The following TNFRSF13C variants were observed in gnomAD, a reference collection of about 807,000 sequenced individuals.
The protein encoded by TNFRSF13C is tumor necrosis factor receptor superfamily member 13C.
In TNFRSF13C, 7 loss-of-function variants were observed where a neutral mutation model predicts 12.1. The observed-to-expected ratio is 0.58, with a 90% CI of 0.33 to 1.08. TNFRSF13C has a LOEUF of 1.08. TNFRSF13C is among the 50% of genes least tolerant of loss of function. The probability of loss-of-function intolerance (pLI) is 0.04; values close to 1 mark genes in which losing one functional copy is unlikely to be tolerated. For synonymous variants in TNFRSF13C, 157 were observed against 130.8 expected, an observed-to-expected ratio of 1.20 and a Z score of -1.37; for missense variants, 260 against 265.9, an observed-to-expected ratio of 0.98 and a Z score of 0.15.
Position 41,924,949 on chromosome 22 carries a change from C to CA in TNFRSF13C, c.*417dup, listed in dbSNP as rs750334567. ...CCTGGCGACAGAGCAAGACTCGTCTCAAAAAAAAAAAAAAAAAAAAAAAAA... is the reference window on the plus strand; with the variant it reads ...CCTGGCGACAGAGCAAGACTCGTCTCAAAAAAAAAAAAAAAAAAAAAAAAAA... On this transcript the variant is annotated 3_prime_UTR_variant, in exon 3 of 3. Coordinates refer to ENST00000291232, the MANE Select transcript of TNFRSF13C (RefSeq NM_052945.4). 910 of 45,246 alleles carry CA rather than the reference C, an allele frequency of 0.02. 50 individuals carry two copies. Among genetic ancestry groups the CA allele is most frequent in the East Asian group, 0.067 (63 of 934 alleles). 2.8% of individuals were successfully genotyped at this position (45,246 alleles called of 1,614,324 possible).
At position 41,925,025 on chromosome 22, in the gene TNFRSF13C, C is replaced by G. The variant is rs1160077338; in HGVS notation, c.*342G>C. The stretch of plus-strand genomic sequence containing the variant: ...ACCCAACTACAAATTAGGCATCCTC[C>G]CACTTGGTCTTTTTTCAGATTCATT... On this transcript the variant is annotated 3_prime_UTR_variant, in exon 3 of 3. Coordinates refer to ENST00000291232, the MANE Select transcript of TNFRSF13C (RefSeq NM_052945.4). 5.0e-6 allele frequency: 1 copy of G among 200,966 alleles called. No homozygotes were observed. The highest frequency in any genetic ancestry group is 5.8e-5 in the Admixed American group (1 of 17,102). The allele number at this position is 200,966 out of a possible 1,614,324, so 12.4% of individuals were successfully genotyped here.
rs2077611626 is a variant in TNFRSF13C, at chr22:41,922,715, G to A, written c.*2652C>T. On this transcript the variant is annotated 3_prime_UTR_variant, in exon 3 of 3. Coordinates refer to ENST00000291232, the MANE Select transcript of TNFRSF13C (RefSeq NM_052945.4). Reference sequence around the variant, plus strand: ...GGAGAAGATGGGGTGGCCAGGAGAAGATGGGGTGGGAGATGGGGTGGCCAG... The same window carrying A: ...GGAGAAGATGGGGTGGCCAGGAGAAAATGGGGTGGGAGATGGGGTGGCCAG... 1 of 141,162 alleles carries A rather than the reference G, an allele frequency of 7.1e-6. No individual in the cohort carries two copies. Among genetic ancestry groups the A allele is most frequent in the Non-Finnish European group, 1.5e-5 (1 of 64,892 alleles). 8.7% of individuals were successfully genotyped at this position (141,162 alleles called of 1,614,324 possible).
chr22:41,926,802 G>A lies in TNFRSF13C; in HGVS notation c.-29C>T. 1.5e-6 allele frequency: 2 copies of A among 1,304,336 alleles called. No individual in the cohort carries two copies. Among genetic ancestry groups the A allele is most frequent in the African/African-American group, 1.5e-5 (1 of 64,896 alleles). 80.8% of individuals were successfully genotyped at this position (1,304,336 alleles called of 1,614,324 possible). A position where few individuals can be genotyped will look rare whatever the true frequency, so the allele number is the denominator to read the frequency against. ...GCCGACGCCGCCGCACAAGCTGCGGGGACTGAGGCTGAGCTGGGCTCCGGG... is the reference window on the plus strand; with the variant it reads ...GCCGACGCCGCCGCACAAGCTGCGGAGACTGAGGCTGAGCTGGGCTCCGGG... On this transcript the variant is annotated 5_prime_UTR_variant, in exon 1 of 3. Coordinates refer to ENST00000291232, the MANE Select transcript of TNFRSF13C (RefSeq NM_052945.4). The surrounding 1 kb of genome is among the most constrained non-coding windows in gnomAD (Gnocchi z 4.9).
chr22:41,925,663 GT>G (rs1219157370), intron 2 of TNFRSF13C, 109 bp from the exon 3 acceptor site: 2 of 1,352,558 alleles, frequency 1.5e-6, no homozygotes, highest in South Asian at 2.5e-5. Flanking sequence ...CCAATGCAGG[GT>G]GGGGAGGGGT....
rs2077635722 is a variant in TNFRSF13C, at chr22:41,926,794, A to T, written c.-21T>A. The T allele has an allele frequency of 2.3e-6, 3 of 1,300,854 alleles. No individual in the cohort carries two copies. Among genetic ancestry groups the T allele is most frequent in the Non-Finnish European group, 2.9e-6 (3 of 1,026,348 alleles). The allele number at this position is 1,300,854 out of a possible 1,614,324, so 80.6% of individuals were successfully genotyped here. ...CTCATGGTGCCGACGCCGCCGCACAAGCTGCGGGGACTGAGGCTGAGCTGG... is the reference window on the plus strand; with the variant it reads ...CTCATGGTGCCGACGCCGCCGCACATGCTGCGGGGACTGAGGCTGAGCTGG... On this transcript the variant is annotated 5_prime_UTR_variant, in exon 1 of 3. The change creates a new upstream start codon in the 5' untranslated region. Transcript: ENST00000291232. The surrounding 1 kb of genome is among the most constrained non-coding windows in gnomAD (Gnocchi z 4.9).
intron 2 of TNFRSF13C, 71 bp from the exon 3 acceptor site, chr22:41,925,625 G>T: frequency 6.4e-7 from 1 of 1,573,344 alleles, no homozygotes; most frequent in East Asian, 2.2e-5. Flanking sequence ...AGACTCCTCT[G>T]GAGGGGCAGT....
rs991341118 is a variant in TNFRSF13C at position 41,922,183 on chromosome 22, C to A, written c.*3184G>T. 5 of 152,200 alleles carry A rather than the reference C, an allele frequency of 3.3e-5. No homozygotes were observed. Among genetic ancestry groups the A allele is most frequent in the African/African-American group, 1.2e-4 (5 of 41,430 alleles). The allele number at this position is 152,200 out of a possible 1,614,324, so 9.4% of individuals were successfully genotyped here. A position where few individuals can be genotyped will look rare whatever the true frequency, so the allele number is the denominator to read the frequency against. Reference sequence around the variant, plus strand: ...ACACTCGAGGCCTGGGGTTACTGGACACGGGTCATTTCTTCCCTGACTACA... The same window carrying A: ...ACACTCGAGGCCTGGGGTTACTGGAAACGGGTCATTTCTTCCCTGACTACA... On this transcript the variant is annotated 3_prime_UTR_variant, in exon 3 of 3. Coordinates refer to ENST00000291232, the MANE Select transcript of TNFRSF13C (RefSeq NM_052945.4).
At position 41,926,199 on chromosome 22, in the gene TNFRSF13C, A is replaced by G. The variant is rs1569421812; in HGVS notation, c.269T>C (p.Val90Ala). 1 of 1,607,766 alleles carries G rather than the reference A, an allele frequency of 6.2e-7. No individual in the cohort carries two copies. The highest frequency in any genetic ancestry group is 1.3e-5 in the African/African-American group (1 of 74,886). ...GAPALLGLALVLALVLVGLVS... is the reference protein window; with the variant it reads ...GAPALLGLALALALVLVGLVS... ...CAGACCCACCAGGACCAGCGCCAGG[A>G]CCAGTGCCAGGCCCAGCAGCGCGGG... The change falls in exon 2 of 3, where the codon GTC becomes GCC. Residue 90 changes from valine (V) to alanine (A), a missense_variant. Coordinates refer to ENST00000291232, the MANE Select transcript of TNFRSF13C (RefSeq NM_052945.4). This position sits in a 1 kb window ranked among gnomAD's most constrained non-coding sequence, Gnocchi z 4.9.
Position 41,924,948 on chromosome 22 carries a change from TCAAAA to T in TNFRSF13C, c.*414_*418del, listed in dbSNP as rs1356035616. The T allele has an allele frequency of 2.1e-5, 1 of 46,652 alleles. No homozygotes were observed. The highest frequency in any genetic ancestry group is 3.0e-4 in the Admixed American group (1 of 3,282). The allele number at this position is 46,652 out of a possible 1,614,324, so 2.9% of individuals were successfully genotyped here. A position where few individuals can be genotyped will look rare whatever the true frequency, so the allele number is the denominator to read the frequency against. Reference sequence around the variant, plus strand: ...GCCTGGCGACAGAGCAAGACTCGTCTCAAAAAAAAAAAAAAAAAAAAAAAAAAAAA... The same window carrying T: ...GCCTGGCGACAGAGCAAGACTCGTCTAAAAAAAAAAAAAAAAAAAAAAAAA... On this transcript the variant is annotated 3_prime_UTR_variant, in exon 3 of 3. Coordinates refer to ENST00000291232, the MANE Select transcript of TNFRSF13C (RefSeq NM_052945.4).
At position 41,924,261 on chromosome 22, in the gene TNFRSF13C, C is replaced by A. The variant is rs2077618171; in HGVS notation, c.*1106G>T. The A allele has an allele frequency of 6.6e-6, 1 of 150,834 alleles. No individual in the cohort carries two copies. The highest frequency in any genetic ancestry group is 1.5e-5 in the Non-Finnish European group (1 of 67,838). The allele number at this position is 150,834 out of a possible 1,614,324, so 9.3% of individuals were successfully genotyped here. A position where few individuals can be genotyped will look rare whatever the true frequency, so the allele number is the denominator to read the frequency against. ...TAGCACTTTGGGAGGCTGAGGCGGG[C>A]GGATCACGAGGTCAGGAGATCGAGA... is the stretch of plus-strand genomic sequence containing the variant. On this transcript the variant is annotated 3_prime_UTR_variant, in exon 3 of 3. Transcript: ENST00000291232.
rs2077618847 is a variant in TNFRSF13C at position 41,924,381 on chromosome 22, AGGAG to A, written c.*982_*985del. On this transcript the variant is annotated 3_prime_UTR_variant, in exon 3 of 3. Coordinates refer to ENST00000291232, the MANE Select transcript of TNFRSF13C (RefSeq NM_052945.4). Reference sequence around the variant, plus strand: ...CGGGCGCCTATAGTCCCAGCTACTCAGGAGGCTCAGGCAGGAGAATGGTGTGAAC... The same window carrying A: ...CGGGCGCCTATAGTCCCAGCTACTCAGCTCAGGCAGGAGAATGGTGTGAAC... The A allele has an allele frequency of 6.6e-6, 1 of 151,454 alleles. No homozygotes were observed. The highest frequency in any genetic ancestry group is 6.6e-5 in the Admixed American group (1 of 15,166). The allele number at this position is 151,454 out of a possible 1,614,324, so 9.4% of individuals were successfully genotyped here.
In TNFRSF13C at chr22:41,926,701, A is replaced by G; in HGVS notation, c.73T>C (p.Phe25Leu). The G allele has an allele frequency of 1.4e-6, 2 of 1,457,350 alleles. No individual in the cohort carries two copies. The highest frequency in any genetic ancestry group is 1.8e-6 in the Non-Finnish European group (2 of 1,109,576). 90.3% of individuals were successfully genotyped at this position (1,457,350 alleles called of 1,614,324 possible). A position where few individuals can be genotyped will look rare whatever the true frequency, so the allele number is the denominator to read the frequency against. ...APTPCVPAEC[F>L]DLLVRHCVAC... ...ACGCAGTGGCGGACCAGCAGGTCGA[A>G]GCACTCGGCCGGGACGCAGGGCGTG... The change falls in exon 1 of 3, where the codon TTC (phenylalanine) becomes CTC (leucine). Residue 25 changes from phenylalanine to leucine, a missense_variant. By Grantham distance (22) the Phe-to-Leu change is conservative. Coordinates refer to ENST00000291232, the MANE Select transcript of TNFRSF13C (RefSeq NM_052945.4). The surrounding 1 kb of genome is among the most constrained non-coding windows in gnomAD (Gnocchi z 4.9).
intron 2 of TNFRSF13C, among the ~76,000 whole-genome samples, chr22:41,925,896 C>T (rs987000697): frequency 6.6e-6 from 1 of 152,202 alleles, no homozygotes; most frequent in Non-Finnish European, 1.5e-5. Context: ...CAGAGCTGTT[C>T]CTGGCTCCGA....
Position 41,926,624 on chromosome 22 carries a change from T to G in TNFRSF13C, c.136+14A>C. The stretch of plus-strand genomic sequence containing the variant: ...GCAGCTGCCGGCGCCGCGCGCCCCG[T>G]GGGTCCCCCTTACCCGGTTTCGGCC... On this transcript the variant is annotated intron_variant, in intron 1 of 2. Transcript: ENST00000291232. This position sits in a 1 kb window ranked among gnomAD's most constrained non-coding sequence, Gnocchi z 4.9. The G allele has an allele frequency of 1.2e-5, 17 of 1,432,914 alleles. No homozygotes were observed. Among genetic ancestry groups the G allele is most frequent in the Non-Finnish European group, 1.6e-5 (17 of 1,096,414 alleles). 88.8% of individuals were successfully genotyped at this position (1,432,914 alleles called of 1,614,324 possible).
Position 41,926,086 on chromosome 22 carries a change from ACACACGG to A in TNFRSF13C, c.367+8_367+14del. On this transcript the variant is annotated splice_region_variant and intron_variant, in intron 2 of 2. Transcript: ENST00000291232. The surrounding 1 kb of genome is among the most constrained non-coding windows in gnomAD (Gnocchi z 4.9). ...GCGCCCCGCTCAGACTGGTTCCCCT[ACACACGG>A]AACTCACCGTCCTTGTCTCCGTCGG... 6.2e-7 allele frequency: 1 copy of A among 1,612,142 alleles called. No homozygotes were observed. Among genetic ancestry groups the A allele is most frequent in the Non-Finnish European group, 8.5e-7 (1 of 1,179,658 alleles).
chr22:41,922,731 G>GAT lies in TNFRSF13C; in HGVS notation c.*2635_*2636insAT, dbSNP rs978557017. On this transcript the variant is annotated 3_prime_UTR_variant, in exon 3 of 3. Coordinates refer to ENST00000291232, the MANE Select transcript of TNFRSF13C (RefSeq NM_052945.4). ...CCAGGAGAAGATGGGGTGGGAGATGGGGTGGCCAGGAGAAGATGGGGTGGG... is the reference window on the plus strand; with the variant it reads ...CCAGGAGAAGATGGGGTGGGAGATGGATGGTGGCCAGGAGAAGATGGGGTGGG... The GAT allele has an allele frequency of 6.7e-6, 1 of 148,794 alleles. No homozygotes were observed. The highest frequency in any genetic ancestry group is 2.5e-5 in the African/African-American group (1 of 40,092). 9.2% of individuals were successfully genotyped at this position (148,794 alleles called of 1,614,324 possible). A position where few individuals can be genotyped will look rare whatever the true frequency, so the allele number is the denominator to read the frequency against.
In TNFRSF13C at chr22:41,924,949, CAAAAAAAAAAAAA is replaced by C. The variant is rs750334567; in HGVS notation, c.*405_*417del. 4.2e-3 allele frequency: 192 copies of C among 45,386 alleles called. 3 individuals are homozygous for C. The highest frequency in any genetic ancestry group is 3.7e-3 in the Non-Finnish European group (99 of 27,000). The allele number at this position is 45,386 out of a possible 1,614,324, so 2.8% of individuals were successfully genotyped here. A position where few individuals can be genotyped will look rare whatever the true frequency, so the allele number is the denominator to read the frequency against. ...CCTGGCGACAGAGCAAGACTCGTCT[CAAAAAAAAAAAAA>C]AAAAAAAAAAAAAAAAATCAAACAA... On this transcript the variant is annotated 3_prime_UTR_variant, in exon 3 of 3. Transcript: ENST00000291232.
intron 2 of TNFRSF13C, 142 bp downstream of exon 2, chr22:41,925,959 C>A: frequency 8.2e-7 from 1 of 1,223,304 alleles, no homozygotes; most frequent in Non-Finnish European, 1.2e-6. Context: ...AGCTCCTCAG[C>A]GCAAACTCTT....
At position 41,926,076 on chromosome 22, in the gene TNFRSF13C, T is replaced by G; in HGVS notation, c.367+25A>C. On this transcript the variant is annotated intron_variant, in intron 2 of 2. Coordinates refer to ENST00000291232, the MANE Select transcript of TNFRSF13C (RefSeq NM_052945.4). This position sits in a 1 kb window ranked among gnomAD's most constrained non-coding sequence, Gnocchi z 4.9. ...CCCAGCCCCTGCGCCCCGCTCAGACTGGTTCCCCTACACACGGAACTCACC... is the reference window on the plus strand; with the variant it reads ...CCCAGCCCCTGCGCCCCGCTCAGACGGGTTCCCCTACACACGGAACTCACC... 6.2e-7 allele frequency: 1 copy of G among 1,612,216 alleles called. No individual in the cohort carries two copies. The highest frequency in any genetic ancestry group is 1.7e-4 in the Middle Eastern group (1 of 6,034).
Sources: allele counts gnomAD v4.1 joint callset (sites outside exome capture counted in the v4.1 genomes callset), GRCh38; gene constraint gnomAD v4.1.1; non-coding constraint Gnocchi (gnomAD v3.1); transcripts MANE v1.5; gene names NCBI Gene and HGNC (gene_info 2026-07-23, HGNC 2026-07-21).